APBB2: variants seen among roughly 807,000 people sequenced by gnomAD.
APBB2 encodes the protein Fe65-like 1.
APBB2 carries 38 observed loss-of-function variants against 82.5 expected under a neutral mutation model. The observed-to-expected ratio is 0.46, with a 90% confidence interval of 0.36 to 0.60. The LOEUF is 0.60. APBB2 is among the 20% of genes least tolerant of loss of function. The pLI, the probability that APBB2 is intolerant of heterozygous loss-of-function variation, is 0.00. For missense variants in APBB2, 772 were observed against 972.3 expected (o/e 0.79, Z 2.74); for synonymous variants, 341 against 368.2 (o/e 0.93, Z 0.85).
chr4:40,981,298 G>C (rs1303650068), intron 6 of APBB2, among the ~76,000 whole-genome samples: 1 of 152,016 alleles, frequency 6.6e-6, no homozygotes, highest in Non-Finnish European at 1.5e-5. Context: ...AGCTACTTGG[G>C]AGGCTGAGGC....
rs916431938 is a variant in APBB2, at chr4:41,099,581, A to G, written c.-149+1058T>C. 3.3e-5 allele frequency among the ~76,000 whole-genome samples: 5 copies of G among 152,326 alleles called. 1 individual carries two copies. Among genetic ancestry groups the G allele is most frequent in the Admixed American group, 3.3e-4 (5 of 15,306 alleles). On this transcript the variant is annotated intron_variant, in intron 3 of 17. Coordinates refer to ENST00000508593, the MANE Select transcript of APBB2 (RefSeq NM_004307.2). Reference sequence around the variant, plus strand: ...CTTATTATAATTATTACAAAATAAAACCCAATTTAATAATAATTAAATTTA... The same window carrying G: ...CTTATTATAATTATTACAAAATAAAGCCCAATTTAATAATAATTAAATTTA...
chr4:40,897,358 G>A (rs1297398243), intron 10 of APBB2, among the ~76,000 whole-genome samples: 1 of 152,102 alleles, frequency 6.6e-6, no homozygotes, highest in Non-Finnish European at 1.5e-5. Flanking sequence ...ACAAAAATTA[G>A]CCAGGTGTGG....
intron 7 of APBB2, among the ~76,000 whole-genome samples, chr4:40,935,823 T>C (rs2154375925): frequency 6.6e-6 from 1 of 152,328 alleles, no homozygotes; most frequent in South Asian, 2.1e-4. Flanking sequence ...AATGATTTTC[T>C]AAACGTAATT....
chr4:40,917,969 G>C (rs1353924603), intron 10 of APBB2, among the ~76,000 whole-genome samples: 4 of 152,216 alleles, frequency 2.6e-5, no homozygotes, highest in Non-Finnish European at 4.4e-5. Flanking sequence ...TCTGTATCTA[G>C]GTTATAATTC....
rs1433443476 is a variant in APBB2 at position 40,890,168 on chromosome 4, T to C, written c.1529+196A>G. 9 of 659,118 alleles carry C rather than the reference T, an allele frequency of 1.4e-5. No individual in the cohort carries two copies. In the African/African-American group the frequency reaches 1.5e-4, roughly 11 times the overall value. 40.8% of individuals were successfully genotyped at this position (659,118 alleles called of 1,614,324 possible). ...ATCAGAGTTGACAAAAGATTTGAGATACAGAAACCAGGAAGGGAAGCAGTT... is the reference window on the plus strand; with the variant it reads ...ATCAGAGTTGACAAAAGATTTGAGACACAGAAACCAGGAAGGGAAGCAGTT... On this transcript the variant is annotated intron_variant, in intron 12 of 17. Transcript: ENST00000508593.
intron 1 of APBB2, among the ~76,000 whole-genome samples, chr4:41,166,843 G>A (rs1327770707): frequency 6.6e-6 from 1 of 152,170 alleles, no homozygotes; most frequent in Non-Finnish European, 1.5e-5. Context: ...GTTGCAGTGA[G>A]CCGTGACCAC....
At chr4:40,874,183 A>G in intron 12 of APBB2, among the ~76,000 whole-genome samples, 1 of 152,366 alleles carries the variant, frequency 6.6e-6, no homozygotes, top group African/African-American at 2.4e-5. Flanking sequence ...TGATTTAATT[A>G]CTGCAATTGC....
chr4:40,883,626 A>C (rs1420720718), intron 12 of APBB2, among the ~76,000 whole-genome samples: 5 of 151,916 alleles, frequency 3.3e-5, no homozygotes, highest in Non-Finnish European at 7.4e-5. Context: ...ACTCTACGGA[A>C]CAGTAGCAAG....
At chr4:40,994,810 G>A (rs1208431942) in intron 6 of APBB2, among the ~76,000 whole-genome samples, 2 of 122,990 alleles carry the variant, frequency 1.6e-5, no homozygotes, top group Non-Finnish European at 3.4e-5. Context: ...GCAAGACTCC[G>A]GAAAAAAAAA....
At chr4:41,168,241 G>A (rs1247160258) in intron 1 of APBB2, among the ~76,000 whole-genome samples, 2 of 150,262 alleles carry the variant, frequency 1.3e-5, no homozygotes, top group African/African-American at 2.5e-5. Context: ...AGCCGAGATC[G>A]CGCCACTGCA....
At chr4:40,817,680 T>A (rs28578464) in intron 17 of APBB2, among the ~76,000 whole-genome samples, 27 of 151,946 alleles carry the variant, frequency 1.8e-4, no homozygotes, top group East Asian at 1.4e-3. Context: ...ATGGCTTTTT[T>A]AAAAAAAATC....
At chr4:41,067,525 A>T (rs1037615643) in intron 3 of APBB2, among the ~76,000 whole-genome samples, 7 of 152,154 alleles carry the variant, frequency 4.6e-5, no homozygotes. Flanking sequence ...AAAGGCATAA[A>T]AGTGATTACA....
At chr4:40,926,410 T>C (rs1782617895) in intron 10 of APBB2, among the ~76,000 whole-genome samples, 1 of 151,968 alleles carries the variant, frequency 6.6e-6, no homozygotes, top group Non-Finnish European at 1.5e-5. Flanking sequence ...CATTCCCACC[T>C]CCAACAACTC....
intron 10 of APBB2, among the ~76,000 whole-genome samples, chr4:40,924,826 C>A (rs553997627): frequency 5.6e-4 from 86 of 152,312 alleles, no homozygotes; most frequent in African/African-American, 1.9e-3. Context: ...CTACATAGCA[C>A]GCAGGAACAG....
intron 1 of APBB2, among the ~76,000 whole-genome samples, chr4:41,202,720 T>C (rs2154077143): frequency 6.6e-6 from 1 of 152,380 alleles, no homozygotes; most frequent in Admixed American, 6.5e-5. Context: ...AGGTCAATAC[T>C]AACGTAAAAT....
rs544538111 is a variant in APBB2 at position 41,087,466 on chromosome 4, C to G, written c.-149+13173G>C. 9.2e-5 allele frequency among the ~76,000 whole-genome samples: 14 copies of G among 152,180 alleles called. No homozygotes were observed. In the East Asian group the frequency reaches 1.4e-3, roughly 15 times the overall value. ...TTCTTTTGAGATGGAGTCTTGCTCT[C>G]TCACCCAGACTGGAGTACAGTGGCA... is the stretch of plus-strand genomic sequence containing the variant. On this transcript the variant is annotated intron_variant, in intron 3 of 17. Coordinates refer to ENST00000508593, the MANE Select transcript of APBB2 (RefSeq NM_004307.2).
At chr4:40,884,606 G>A (rs1430177606) in intron 12 of APBB2, among the ~76,000 whole-genome samples, 3 of 151,914 alleles carry the variant, frequency 2.0e-5, no homozygotes, top group African/African-American at 4.8e-5. Flanking sequence ...GTGAGACCCC[G>A]TATCTACAAA....
At chr4:40,944,196 A>G (rs58104661) in intron 7 of APBB2, among the ~76,000 whole-genome samples, 2 of 152,106 alleles carry the variant, frequency 1.3e-5, no homozygotes, top group Non-Finnish European at 2.9e-5. Context: ...TCTCTTGAAC[A>G]GTTTGCTTTC....
At position 41,014,002 on chromosome 4, in the gene APBB2, T is replaced by C. The variant is rs1259293950; in HGVS notation, c.416A>G (p.Glu139Gly). 6.2e-7 allele frequency: 1 copy of C among 1,614,126 alleles called. No individual in the cohort carries two copies. The highest frequency in any genetic ancestry group is 1.1e-5 in the South Asian group (1 of 91,070). The change falls in exon 6 of 18, where the codon GAG becomes GGG. Residue 139 changes from glutamate (E) to glycine (G), a missense_variant. Physicochemically the swap from Glu to Gly is moderately conservative, Grantham distance 98. Transcript: ENST00000508593. The part of the protein sequence containing the change: ...NITSEKLEGK[E>G]PHPQDSSSCE... ...GCTCGAGGAATCCTGTGGGTGGGGC[T>C]CTTTACCCTCTAACTTCTCAGAAGT... is the stretch of plus-strand genomic sequence containing the variant.
Sources: allele counts gnomAD v4.1 joint callset (sites outside exome capture counted in the v4.1 genomes callset), GRCh38; gene constraint gnomAD v4.1.1; transcripts MANE v1.5; gene names NCBI Gene and HGNC (gene_info 2026-07-23, HGNC 2026-07-21).